The following SBNO1 variants were observed in gnomAD, a reference collection of about 807,000 sequenced individuals.
SBNO1 encodes the protein strawberry notch homolog 1.
A neutral mutation model predicts 173.6 loss-of-function variants in SBNO1; 23 were observed. That is an observed-to-expected ratio of 0.13 (90% confidence interval 0.10 to 0.19). The LOEUF (loss-of-function observed/expected upper bound fraction) is 0.19. Ranked by LOEUF, SBNO1 falls within the 10% of genes least tolerant of loss-of-function variation. The pLI is 1.00. For synonymous variants in SBNO1, 632 were observed against 571.5 expected (o/e 1.11, Z -1.51); for missense variants, 1,238 against 1,671.2 (o/e 0.74, Z 4.52).
chr12:123,348,105 C>A lies in SBNO1; in HGVS notation c.161G>T (p.Gly54Val). The change falls in exon 3 of 32, where the codon GGT (glycine) becomes GTT (valine). Residue 54 changes from glycine to valine, a missense_variant. Physicochemically the swap from Gly to Val is moderately radical, Grantham distance 109 (BLOSUM62 -3). Transcript: ENST00000602398. The stretch of plus-strand genomic sequence containing the variant: ...AGGAACTGCTGCTTCGGTCTCCAAA[C>A]CTAGTTCTAATGCACTAAGTGGCAC... ...QSVPLSALEL[G>V]LETEAAVPVK... 6.2e-7 allele frequency: 1 copy of A among 1,611,412 alleles called. No homozygotes were observed. Among genetic ancestry groups the A allele is most frequent in the Non-Finnish European group, 8.5e-7 (1 of 1,177,948 alleles).
intron 15 of SBNO1, among the ~76,000 whole-genome samples, chr12:123,324,868 G>C (rs1175472792): frequency 6.6e-6 from 1 of 151,880 alleles, no homozygotes; most frequent in Non-Finnish European, 1.5e-5. Flanking sequence ...GAGTGGAGTG[G>C]TGCGATCTTG....
At chr12:123,340,195 A>G (rs759389767) in intron 5 of SBNO1, among the ~76,000 whole-genome samples, 3 of 152,212 alleles carry the variant, frequency 2.0e-5, no homozygotes, top group Non-Finnish European at 2.9e-5. Context: ...GTAGAAACCT[A>G]CTACATATTA....
chr12:123,359,675 T>C (rs1874900207), intron 1 of SBNO1, among the ~76,000 whole-genome samples: 2 of 152,166 alleles, frequency 1.3e-5, no homozygotes, highest in Admixed American at 1.3e-4. Context: ...CTCTGATCTA[T>C]ATATTGCCTC....
intron 9 of SBNO1, among the ~76,000 whole-genome samples, chr12:123,329,472 A>G (rs1339120552): frequency 6.6e-6 from 1 of 152,022 alleles, no homozygotes; most frequent in East Asian, 1.9e-4. Context: ...CTATAAGAAT[A>G]AAAAGTCACA....
chr12:123,326,928 A>G (rs964994028), intron 13 of SBNO1, among the ~76,000 whole-genome samples: 3 of 152,184 alleles, frequency 2.0e-5, no homozygotes, highest in Non-Finnish European at 4.4e-5. Flanking sequence ...CCCTGCTTCA[A>G]TTAAAAACAA....
intron 23 of SBNO1, among the ~76,000 whole-genome samples, chr12:123,314,208 C>T (rs546806842): frequency 6.6e-6 from 1 of 151,916 alleles, no homozygotes; most frequent in Non-Finnish European, 1.5e-5. Context: ...TGCTCATCGC[C>T]CAGGCTGGAA....
At chr12:123,315,882 C>A (rs1358975216) in intron 21 of SBNO1, among the ~76,000 whole-genome samples, 1 of 152,184 alleles carries the variant, frequency 6.6e-6, no homozygotes, top group Non-Finnish European at 1.5e-5. Flanking sequence ...TACTGATGCA[C>A]AATTACTCTG....
chr12:123,300,589 T>C (rs764280375), intron 30 of SBNO1, among the ~76,000 whole-genome samples: 38 of 148,340 alleles, frequency 2.6e-4, no homozygotes, highest in Non-Finnish European at 4.2e-4. Flanking sequence ...ACCTGGGAGG[T>C]GGAGCTTGCA....
At position 123,309,695 on chromosome 12, in the gene SBNO1, A is replaced by AT; in HGVS notation, c.3442+14dup. On this transcript the variant is annotated intron_variant, in intron 26 of 31. Coordinates refer to ENST00000602398, the MANE Select transcript of SBNO1 (RefSeq NM_001167856.3). ...TCCCTGGGGACATTGTGGGGGGGAA[A>AT]TTTTCCCTACTTACCTAAGATTCCC... 1.2e-6 allele frequency: 2 copies of AT among 1,610,430 alleles called. No homozygotes were observed. The highest frequency in any genetic ancestry group is 3.4e-5 in the Admixed American group (2 of 59,360).
chr12:123,299,537 A>C (rs1382692454), intron 30 of SBNO1, among the ~76,000 whole-genome samples: 27 of 137,152 alleles, frequency 2.0e-4, no homozygotes, highest in East Asian at 1.2e-3. Flanking sequence ...AAAAATTTGC[A>C]GGGTGTGGTG....
chr12:123,337,036 G>A (rs941906457), intron 5 of SBNO1, among the ~76,000 whole-genome samples: 1 of 152,132 alleles, frequency 6.6e-6, no homozygotes, highest in East Asian at 1.9e-4. Flanking sequence ...CCAGAAGACT[G>A]GAGTTTATTT....
intron 30 of SBNO1, among the ~76,000 whole-genome samples, chr12:123,302,570 G>C (rs1271267480): frequency 6.6e-6 from 1 of 152,148 alleles, no homozygotes; most frequent in Non-Finnish European, 1.5e-5. Flanking sequence ...TAATATGAAG[G>C]ATAACTGTTA....
intron 7 of SBNO1, 113 bp from the exon 8 acceptor site, chr12:123,331,488 A>T: frequency 1.1e-6 from 1 of 930,494 alleles, no homozygotes; most frequent in South Asian, 1.8e-5. Flanking sequence ...TTGTATATGT[A>T]TTTTGTGACT....
At chr12:123,322,671 C>T (rs1870126580) in intron 16 of SBNO1, among the ~76,000 whole-genome samples, 1 of 151,442 alleles carries the variant, frequency 6.6e-6, no homozygotes, top group Non-Finnish European at 1.5e-5. Flanking sequence ...TTTGGGAGGC[C>T]TAGGTGGGTG....
At position 123,291,461 on chromosome 12, in the gene SBNO1, C is replaced by T. The variant is rs2048509720; in HGVS notation, c.*4447G>A. The T allele has an allele frequency of 6.6e-6, 1 of 152,032 alleles. No individual in the cohort carries two copies. Among genetic ancestry groups the T allele is most frequent in the Admixed American group, 6.6e-5 (1 of 15,242 alleles). The allele number at this position is 152,032 out of a possible 1,614,324, so 9.4% of individuals were successfully genotyped here. On this transcript the variant is annotated 3_prime_UTR_variant, in exon 32 of 32. Transcript: ENST00000602398. ...GAAAACATCAGGCTCACTATAGCTTCCAAAGAACAACATAAACGAGCATCA... is the reference window on the plus strand; with the variant it reads ...GAAAACATCAGGCTCACTATAGCTTTCAAAGAACAACATAAACGAGCATCA...
At chr12:123,317,938 T>C (rs551647108) in intron 20 of SBNO1, among the ~76,000 whole-genome samples, 1 of 152,332 alleles carries the variant, frequency 6.6e-6, no homozygotes, top group South Asian at 2.1e-4. Context: ...CCTACAATCT[T>C]GAAAATACGT....
Position 123,311,142 on chromosome 12 carries a change from G to C in SBNO1, c.3221-13C>G, listed in dbSNP as rs145172324. 2.5e-6 allele frequency: 4 copies of C among 1,597,488 alleles called. No individual in the cohort carries two copies. The African/African-American group carries it at 5.4e-5, about 21-fold the overall frequency. Reference sequence around the variant, plus strand: ...CCTTGTCGAACATCTGTAAGAACAGGATCAATTCTGACTCATAAATTACAA... The same window carrying C: ...CCTTGTCGAACATCTGTAAGAACAGCATCAATTCTGACTCATAAATTACAA... On this transcript the variant is annotated splice_polypyrimidine_tract_variant and intron_variant, in intron 24 of 31. Coordinates refer to ENST00000602398, the MANE Select transcript of SBNO1 (RefSeq NM_001167856.3).
intron 7 of SBNO1, among the ~76,000 whole-genome samples, chr12:123,333,126 A>G (rs1265916755): frequency 6.6e-6 from 1 of 151,948 alleles, no homozygotes; most frequent in African/African-American, 2.4e-5. Flanking sequence ...TCCATCTCAA[A>G]AAAAAAAAAA....
Position 123,292,093 on chromosome 12 carries a change from C to G in SBNO1, c.*3815G>C, listed in dbSNP as rs1229216034. On this transcript the variant is annotated 3_prime_UTR_variant, in exon 32 of 32. Coordinates refer to ENST00000602398, the MANE Select transcript of SBNO1 (RefSeq NM_001167856.3). The stretch of plus-strand genomic sequence containing the variant: ...TGAAACGCTTGCTACGTTTCTGCAG[C>G]AAAGTGGGCCGAGCGCAGTACGCAC... 6.6e-6 allele frequency: 1 copy of G among 151,264 alleles called. No individual in the cohort carries two copies. Among genetic ancestry groups the G allele is most frequent in the Non-Finnish European group, 1.5e-5 (1 of 67,956 alleles). The allele number at this position is 151,264 out of a possible 1,614,324, so 9.4% of individuals were successfully genotyped here.
Sources: gnomAD v4.1 joint callset for allele counts (sites outside exome capture counted in the v4.1 genomes callset) on GRCh38, gnomAD v4.1.1 for gene constraint, MANE v1.5 for transcripts, NCBI Gene and HGNC (gene_info 2026-07-23, HGNC 2026-07-21) for gene names.